Variants in CSMD1 observed in about 807,000 individuals in gnomAD.
CSMD1 encodes CUB and sushi domain-containing protein 1.
CSMD1 carries 213 observed loss-of-function variants against 417.5 expected under a neutral mutation model. The ratio of observed to expected loss-of-function variants is 0.51; its 90% confidence interval spans 0.46 to 0.57. The LOEUF (loss-of-function observed/expected upper bound fraction) is 0.57, where lower values mean the gene tolerates loss of function less well. Among genes scored for constraint, CSMD1 ranks in the 20% least tolerant of loss-of-function variants. CSMD1 has a pLI of 0.00. For synonymous variants in CSMD1, 2,862 were observed against 1,736.8 expected, an observed-to-expected ratio of 1.65 and a Z score of -16.11; for missense variants, 6,923 against 4,529.7, an observed-to-expected ratio of 1.53 and a Z score of -15.17.
intron 6 of CSMD1, among the ~76,000 whole-genome samples, chr8:3,742,883 C>A (rs1032560228): frequency 8.5e-5 from 13 of 152,246 alleles, no homozygotes; most frequent in Non-Finnish European, 1.8e-4. Context: ...GTTATGACTG[C>A]AATGGATAAC....
Position 2,991,502 on chromosome 8 carries a change from A to T in CSMD1, c.8377+6509T>A, listed in dbSNP as rs1226108949. Among the ~76,000 whole-genome samples the T allele has an allele frequency of 3.3e-5, 5 of 152,362 alleles. No individual in the cohort carries two copies. In the East Asian group the frequency reaches 9.6e-4, roughly 29 times the overall value. On this transcript the variant is annotated intron_variant, in intron 54 of 69. Transcript: ENST00000635120. Reference sequence around the variant, plus strand: ...TGGCCTTATCCTAAGACTTTTGAAAAATCTCAGAGAAGAGAAAACATTTCT... The same window carrying T: ...TGGCCTTATCCTAAGACTTTTGAAATATCTCAGAGAAGAGAAAACATTTCT...
At chr8:3,778,932 T>C (rs911184399) in intron 5 of CSMD1, among the ~76,000 whole-genome samples, 40 of 152,176 alleles carry the variant, frequency 2.6e-4, no homozygotes, top group African/African-American at 9.7e-4. Context: ...CTCTCAAAAA[T>C]GCTGTTTCTG....
At chr8:3,245,921 A>G (rs1226632152) in intron 26 of CSMD1, among the ~76,000 whole-genome samples, 1 of 152,194 alleles carries the variant, frequency 6.6e-6, no homozygotes, top group African/African-American at 2.4e-5. Context: ...ATTCTACTTG[A>G]AAGCCTATTC....
chr8:3,890,767 T>C (rs897851292), intron 5 of CSMD1, among the ~76,000 whole-genome samples: 13 of 152,168 alleles, frequency 8.5e-5, no homozygotes, highest in Non-Finnish European at 7.3e-5. Context: ...TGTGCTAATG[T>C]TTGAGCAAAT....
chr8:4,129,395 C>T (rs560874119), intron 3 of CSMD1, among the ~76,000 whole-genome samples: 21 of 152,218 alleles, frequency 1.4e-4, no homozygotes, highest in African/African-American at 4.6e-4. Flanking sequence ...CCCAACACAC[C>T]ATGTTCTCCT....
At chr8:3,915,420 A>AAACAAACAAAC (rs1554484723) in intron 5 of CSMD1, among the ~76,000 whole-genome samples, 1,529 of 150,176 alleles carry the variant, frequency 0.01, 33 homozygotes, top group African/African-American at 0.036. Flanking sequence ...AAAAAAAAAA[A>AAACAAACAAAC]AAAAAAAAGA....
intron 12 of CSMD1, among the ~76,000 whole-genome samples, chr8:3,413,874 C>T (rs1812965398): frequency 6.6e-6 from 1 of 152,158 alleles, no homozygotes; most frequent in South Asian, 2.1e-4. Context: ...TGCGGTAGCT[C>T]ACGCCTGTAA....
At chr8:4,082,882 G>A (rs756190136) in intron 3 of CSMD1, among the ~76,000 whole-genome samples, 1 of 150,158 alleles carries the variant, frequency 6.7e-6, no homozygotes, top group African/African-American at 2.5e-5. Flanking sequence ...TTTTGTCCTT[G>A]TGATACTTTA....
chr8:3,096,097 T>C (rs1469502873), intron 47 of CSMD1, among the ~76,000 whole-genome samples: 1 of 152,168 alleles, frequency 6.6e-6, no homozygotes, highest in Non-Finnish European at 1.5e-5. Context: ...TGAATTGATA[T>C]TACATATAGG....
intron 5 of CSMD1, among the ~76,000 whole-genome samples, chr8:3,966,448 A>AT (rs1411997844): frequency 6.6e-6 from 1 of 152,062 alleles, no homozygotes; most frequent in Non-Finnish European, 1.5e-5. Flanking sequence ...ACCTACATAT[A>AT]TTTTTTATAG....
intron 1 of CSMD1, among the ~76,000 whole-genome samples, chr8:4,702,404 T>C (rs906812309): frequency 2.0e-5 from 3 of 152,174 alleles, no homozygotes; most frequent in African/African-American, 7.2e-5. Flanking sequence ...GAACAACAGT[T>C]TTGAAAACAA....
At chr8:4,217,768 G>A (rs1022765873) in intron 3 of CSMD1, among the ~76,000 whole-genome samples, 1 of 152,066 alleles carries the variant, frequency 6.6e-6, no homozygotes, top group Non-Finnish European at 1.5e-5. Flanking sequence ...GAACATTTAG[G>A]GCAGGATTGT....
At chr8:4,231,391 A>C (rs761456362) in intron 3 of CSMD1, among the ~76,000 whole-genome samples, 2 of 152,170 alleles carry the variant, frequency 1.3e-5, no homozygotes, top group Non-Finnish European at 2.9e-5. Context: ...GAATAGGAGC[A>C]TATTTGTCTC....
intron 2 of CSMD1, among the ~76,000 whole-genome samples, chr8:4,621,363 T>C (rs1478435759): frequency 6.6e-6 from 1 of 152,040 alleles, no homozygotes; most frequent in African/African-American, 2.4e-5. Context: ...CACGAAACAA[T>C]TTTGGATTTT....
Position 4,946,735 on chromosome 8 carries a change from T to C in CSMD1, c.85+47597A>G, listed in dbSNP as rs188543671. Reference sequence around the variant, plus strand: ...TTGAATATGTGTAGTTGGTGTACAGTTCAGCATCAGTAGGTTCAGTTATAA... The same window carrying C: ...TTGAATATGTGTAGTTGGTGTACAGCTCAGCATCAGTAGGTTCAGTTATAA... On this transcript the variant is annotated intron_variant, in intron 1 of 69. Transcript: ENST00000635120. Among the ~76,000 whole-genome samples the C allele has an allele frequency of 2.0e-4, 30 of 152,304 alleles. 1 individual carries two copies. The highest frequency in any genetic ancestry group is 2.0e-3 in the Admixed American group (30 of 15,298).
chr8:4,903,523 T>A (rs1190416516), intron 1 of CSMD1, among the ~76,000 whole-genome samples: 2 of 152,086 alleles, frequency 1.3e-5, no homozygotes, highest in African/African-American at 4.8e-5. Context: ...CTGCAAAAAA[T>A]ACTGAAACAG....
At chr8:4,188,243 A>G (rs1233461947) in intron 3 of CSMD1, among the ~76,000 whole-genome samples, 1 of 152,110 alleles carries the variant, frequency 6.6e-6, no homozygotes. Flanking sequence ...GGACCCAGAA[A>G]ACAGCGCACT....
chr8:4,873,062 A>C (rs1332331076), intron 1 of CSMD1, among the ~76,000 whole-genome samples: 2 of 152,120 alleles, frequency 1.3e-5, no homozygotes, highest in Non-Finnish European at 2.9e-5. Context: ...AAGGTGTACA[A>C]TATGATGTTT....
intron 1 of CSMD1, among the ~76,000 whole-genome samples, chr8:4,741,519 C>T (rs558493409): frequency 1.3e-5 from 2 of 152,166 alleles, no homozygotes; most frequent in Middle Eastern, 3.4e-3. Context: ...ATGATCAAAA[C>T]AAAAATAATT....
Sources: allele counts gnomAD v4.1 joint callset (sites outside exome capture counted in the v4.1 genomes callset), GRCh38; gene constraint gnomAD v4.1.1; transcripts MANE v1.5; gene names NCBI Gene and HGNC (gene_info 2026-07-23, HGNC 2026-07-21).